The following GHR variants were observed in gnomAD, a reference collection of about 807,000 sequenced individuals.
GHR encodes the protein growth hormone receptor, also known as GH receptor.
GHR carries 35 observed loss-of-function variants against 67.1 expected under a neutral mutation model. The ratio of observed to expected loss-of-function variants is 0.52; its 90% CI spans 0.40 to 0.69. The LOEUF is 0.69. Ranked by LOEUF, GHR falls within the 30% of genes least tolerant of loss-of-function variation. The pLI is 0.00. For synonymous variants in GHR, 272 were observed against 269.1 expected, an observed-to-expected ratio of 1.01 and a Z score of -0.10; for missense variants, 792 against 764.6, an observed-to-expected ratio of 1.04 and a Z score of -0.42.
chr5:42,661,728 T>A (rs982323416), intron 3 of GHR, among the ~76,000 whole-genome samples: 1 of 152,210 alleles, frequency 6.6e-6, no homozygotes, highest in Non-Finnish European at 1.5e-5. Context: ...AACATCATAA[T>A]GACAGGATCA....
At chr5:42,488,300 G>A (rs984255759) in intron 1 of GHR, among the ~76,000 whole-genome samples, 1 of 152,076 alleles carries the variant, frequency 6.6e-6, no homozygotes, top group Non-Finnish European at 1.5e-5. Context: ...TTTTATAGAT[G>A]GGAAAACTGA....
chr5:42,660,593 C>T (rs2112860000), intron 3 of GHR, among the ~76,000 whole-genome samples: 1 of 152,128 alleles, frequency 6.6e-6, no homozygotes, highest in East Asian at 1.9e-4. Flanking sequence ...AGGACATCCA[C>T]ACCAAAAACC....
At chr5:42,686,911 T>G (rs1757181552) in intron 3 of GHR, among the ~76,000 whole-genome samples, 1 of 152,216 alleles carries the variant, frequency 6.6e-6, no homozygotes, top group South Asian at 2.1e-4. Flanking sequence ...GATGACATGA[T>G]TGTATATTTA....
At chr5:42,540,786 A>G (rs56144821) in intron 1 of GHR, among the ~76,000 whole-genome samples, 24,943 of 151,530 alleles carry the variant, frequency 0.16, 2,340 homozygotes, top group Non-Finnish European at 0.19. Flanking sequence ...TGATCAACCC[A>G]TGCCCATGTC....
chr5:42,626,346 C>T (rs1461979938), intron 2 of GHR, among the ~76,000 whole-genome samples: 1 of 152,202 alleles, frequency 6.6e-6, no homozygotes, highest in Non-Finnish European at 1.5e-5. Context: ...CAACCTCCCC[C>T]TCCGGTTTGA....
chr5:42,567,593 T>A (rs1238158664), intron 2 of GHR, among the ~76,000 whole-genome samples: 2 of 151,990 alleles, frequency 1.3e-5, no homozygotes. Flanking sequence ...AGAAGAACAT[T>A]TTTGTCTCTT....
In GHR at chr5:42,719,537, G is replaced by A; in HGVS notation, c.*113G>A. On this transcript the variant is annotated 3_prime_UTR_variant, in exon 10 of 10. Coordinates refer to ENST00000230882, the MANE Select transcript of GHR (RefSeq NM_000163.5). ...TTTTTTGGGGGAGTGACAGGATGGG[G>A]TATGGATTCTAAAATGCCTTTTCCC... 1 of 989,440 alleles carries A rather than the reference G, an allele frequency of 1.0e-6. No individual in the cohort carries two copies. Among genetic ancestry groups the A allele is most frequent in the South Asian group, 1.3e-5 (1 of 77,768 alleles). The allele number at this position is 989,440 out of a possible 1,614,324, so 61.3% of individuals were successfully genotyped here.
chr5:42,476,906 A>C (rs533483986), intron 1 of GHR, among the ~76,000 whole-genome samples: 1 of 152,104 alleles, frequency 6.6e-6, no homozygotes, highest in African/African-American at 2.4e-5. Context: ...TAATACTTTA[A>C]GTTTTAGTGT....
chr5:42,467,042 T>C (rs1234308318), intron 1 of GHR: 2 of 1,571,162 alleles, frequency 1.3e-6, no homozygotes, highest in Non-Finnish European at 1.7e-6. Context: ...CCACACTCAT[T>C]ACACATGTAA....
chr5:42,632,346 C>T (rs1187957134), intron 3 of GHR, among the ~76,000 whole-genome samples: 3 of 152,184 alleles, frequency 2.0e-5, no homozygotes, highest in Non-Finnish European at 4.4e-5. Flanking sequence ...CTGAAGCAAT[C>T]CCTCCCTTCT....
intron 1 of GHR, among the ~76,000 whole-genome samples, chr5:42,443,452 C>G (rs1488334641): frequency 6.6e-6 from 1 of 152,084 alleles, no homozygotes; most frequent in Non-Finnish European, 1.5e-5. Context: ...AGCTTGACAT[C>G]CCCTCTGTTG....
At chr5:42,628,984 T>C in intron 2 of GHR, 54 bp from the exon 3 acceptor site, 1 of 975,130 alleles carries the variant, frequency 1.0e-6, no homozygotes, top group Non-Finnish European at 1.6e-6. Context: ...CACAGGGTCA[T>C]ATCAGATTGT....
chr5:42,516,394 G>C (rs141831533), intron 1 of GHR, among the ~76,000 whole-genome samples: 1 of 152,176 alleles, frequency 6.6e-6, no homozygotes, highest in African/African-American at 2.4e-5. Context: ...CACAGTGATT[G>C]TGGACCCCGG....
At chr5:42,447,896 G>A (rs1743881546) in intron 1 of GHR, among the ~76,000 whole-genome samples, 3 of 151,564 alleles carry the variant, frequency 2.0e-5, no homozygotes, top group African/African-American at 7.3e-5. Flanking sequence ...TCAGCCTCTG[G>A]GATTACAGGT....
chr5:42,718,468 G>A lies in GHR; in HGVS notation c.961G>A (p.Glu321Lys), dbSNP rs1446455791. ...TATTTTCTAGGAAGGAAAATTAGAG[G>A]AGGTGAACACAATCTTAGCCATTCA... ...PDLLKEGKLE[E>K]VNTILAIHDS... The change falls in exon 10 of 10, where the codon GAG (glutamate) becomes AAG (lysine). Residue 321 changes from glutamate (E) to lysine (K), a missense_variant. Coordinates refer to ENST00000230882, the MANE Select transcript of GHR (RefSeq NM_000163.5). 3 of 1,609,170 alleles carry A rather than the reference G, an allele frequency of 1.9e-6. No homozygotes were observed. Among genetic ancestry groups the A allele is most frequent in the South Asian group, 1.1e-5 (1 of 90,968 alleles).
intron 1 of GHR, among the ~76,000 whole-genome samples, chr5:42,537,864 A>T (rs1748330202): frequency 6.6e-6 from 1 of 152,036 alleles, no homozygotes; most frequent in Non-Finnish European, 1.5e-5. Flanking sequence ...TATGTTTAGG[A>T]TTGTGATATT....
intron 4 of GHR, 64 bp downstream of exon 4, chr5:42,689,083 C>CT (rs1366440333): frequency 7.6e-7 from 1 of 1,316,408 alleles, no homozygotes; most frequent in Non-Finnish European, 1.1e-6. Context: ...TACACTGAGT[C>CT]AGATGTACTG....
At chr5:42,531,961 G>A (rs537614409) in intron 1 of GHR, among the ~76,000 whole-genome samples, 16 of 151,752 alleles carry the variant, frequency 1.1e-4, no homozygotes, top group South Asian at 4.2e-4. Flanking sequence ...TATGTTTCTC[G>A]TAGGCTAGTG....
At chr5:42,475,181 C>T (rs1385539600) in intron 1 of GHR, among the ~76,000 whole-genome samples, 3 of 151,950 alleles carry the variant, frequency 2.0e-5, no homozygotes, top group Non-Finnish European at 4.4e-5. Context: ...CCCAGCCTGC[C>T]CTTGATTTTT....
Sources: allele counts gnomAD v4.1 joint callset (sites outside exome capture counted in the v4.1 genomes callset), GRCh38; gene constraint gnomAD v4.1.1; transcripts MANE v1.5; gene names NCBI Gene and HGNC (gene_info 2026-07-23, HGNC 2026-07-21).